VPS26C: variants seen among roughly 807,000 people sequenced by gnomAD.
The protein encoded by VPS26C is VPS26 endosomal protein sorting factor C, also known as vacuolar protein sorting-associated protein 26C.
In VPS26C, 19 loss-of-function variants were observed where a neutral mutation model predicts 30.6. The observed-to-expected ratio is 0.62, with a 90% CI of 0.43 to 0.91. The LOEUF (loss-of-function observed/expected upper bound fraction) is 0.91. Ranked by LOEUF, VPS26C falls within the 40% of genes least tolerant of loss-of-function variation. The pLI is 0.00. For synonymous variants in VPS26C, 132 were observed against 151.5 expected (o/e 0.87, Z 0.95); for missense variants, 318 against 385.1 (o/e 0.83, Z 1.46).
At chr21:37,267,615 C>T (rs866985987), upstream of VPS26C, 57 of 384,300 alleles carry the variant, frequency 1.5e-4, no homozygotes, top group Middle Eastern at 3.6e-3. Context: ...TGCTCCTTTG[C>T]TGTCCGGGTT....
chr21:37,249,731 C>T lies in VPS26C; in HGVS notation c.58-9092G>A, dbSNP rs148498709. Among the ~76,000 whole-genome samples the T allele has an allele frequency of 1.5e-3, 229 of 152,238 alleles. 2 individuals are homozygous for T. Among genetic ancestry groups the T allele is most frequent in the African/African-American group, 5.1e-3 (212 of 41,530 alleles). On this transcript the variant is annotated intron_variant, in intron 1 of 7. Coordinates refer to ENST00000309117, the MANE Select transcript of VPS26C (RefSeq NM_006052.2). ...AGATGGCGGGAGTGGGAGGGATACA[C>T]TAGACAAGCTGATTCTGAAGTTTAT...
At position 37,240,769 on chromosome 21, in the gene VPS26C, T is replaced by C. The variant is rs1047749663; in HGVS notation, c.58-130A>G. 5 of 1,229,564 alleles carry C rather than the reference T, an allele frequency of 4.1e-6. No individual in the cohort carries two copies. In the African/African-American group the frequency reaches 6.1e-5, roughly 15 times the overall value. 76.2% of individuals were successfully genotyped at this position (1,229,564 alleles called of 1,614,324 possible). On this transcript the variant is annotated intron_variant, in intron 1 of 7. Transcript: ENST00000309117. Reference sequence around the variant, plus strand: ...CCAGACATTCACTGAGACACCTGGATACCAGGGTGGAGAAGGCCCAGGTCC... The same window carrying C: ...CCAGACATTCACTGAGACACCTGGACACCAGGGTGGAGAAGGCCCAGGTCC...
chr21:37,245,004 G>C (rs2086123420), intron 1 of VPS26C, among the ~76,000 whole-genome samples: 2 of 152,198 alleles, frequency 1.3e-5, no homozygotes, highest in Admixed American at 1.3e-4. Context: ...TACTGCATGG[G>C]CTCATGCAAA....
chr21:37,253,850 G>C (rs1166072988), intron 1 of VPS26C, among the ~76,000 whole-genome samples: 1 of 152,124 alleles, frequency 6.6e-6, no homozygotes, highest in East Asian at 1.9e-4. Context: ...TTTTGGATTA[G>C]GGATGCTCAA....
chr21:37,255,851 ATTTTT>A (rs375877407), intron 1 of VPS26C, among the ~76,000 whole-genome samples: 49 of 108,448 alleles, frequency 4.5e-4, no homozygotes, highest in Middle Eastern at 5.3e-3. Flanking sequence ...TATGCACTGC[ATTTTT>A]TTTTTTTTTT....
intron 1 of VPS26C, among the ~76,000 whole-genome samples, chr21:37,256,841 G>A (rs1437120426): frequency 6.6e-6 from 1 of 152,270 alleles, no homozygotes; most frequent in East Asian, 1.9e-4. Context: ...TGATAATAAA[G>A]TTTTACCATT....
upstream of VPS26C, chr21:37,267,436 A>T: frequency 1.4e-6 from 1 of 701,138 alleles, no homozygotes; most frequent in Non-Finnish European, 2.5e-6. Context: ...GGCGTCGCAC[A>T]CACTCCCTAG....
intron 2 of VPS26C, 80 bp downstream of exon 2, chr21:37,240,416 C>T (rs765078536): frequency 3.8e-5 from 58 of 1,516,246 alleles, no homozygotes; most frequent in African/African-American, 2.7e-4. Context: ...TGAGCCACTG[C>T]GCCTGGCCCT....
rs75599460 is a variant in VPS26C, at chr21:37,252,542, A to C, written c.58-11903T>G. Among the ~76,000 whole-genome samples the C allele has an allele frequency of 6.3e-3, 959 of 152,320 alleles. 7 individuals carry two copies. Among genetic ancestry groups the C allele is most frequent in the African/African-American group, 0.022 (910 of 41,568 alleles). On this transcript the variant is annotated intron_variant, in intron 1 of 7. Coordinates refer to ENST00000309117, the MANE Select transcript of VPS26C (RefSeq NM_006052.2). Reference sequence around the variant, plus strand: ...TTCATTTCCTGGTACAGAAACAAACAAACAAACAAACAAACTAAGACAATG... The same window carrying C: ...TTCATTTCCTGGTACAGAAACAAACCAACAAACAAACAAACTAAGACAATG...
chr21:37,250,348 T>C (rs1409025964), intron 1 of VPS26C, among the ~76,000 whole-genome samples: 2 of 151,970 alleles, frequency 1.3e-5, no homozygotes, highest in African/African-American at 4.8e-5. Context: ...AAACTTTTTG[T>C]GTATGACAAA....
rs2085880028 is a variant in VPS26C at position 37,224,599 on chromosome 21, A to T, written c.*945T>A. ...TATGGCAGTTCTTGAGACTTCAGAA[A>T]CACTTCGGCACCAGCCAAATCCCCC... On this transcript the variant is annotated 3_prime_UTR_variant, in exon 8 of 8. Transcript: ENST00000309117. The T allele has an allele frequency of 6.6e-6, 1 of 152,244 alleles. No homozygotes were observed. Among genetic ancestry groups the T allele is most frequent in the East Asian group, 1.9e-4 (1 of 5,206 alleles). The allele number at this position is 152,244 out of a possible 1,614,324, so 9.4% of individuals were successfully genotyped here. A position where few individuals can be genotyped will look rare whatever the true frequency, so the allele number is the denominator to read the frequency against.
intron 7 of VPS26C, chr21:37,227,429 C>T: frequency 1.8e-6 from 1 of 554,802 alleles, no homozygotes; most frequent in East Asian, 2.9e-5. Flanking sequence ...CCACAAGCAC[C>T]AGGACTGCCT....
intron 4 of VPS26C, 123 bp from the exon 5 acceptor site, chr21:37,232,574 A>G: frequency 1.3e-6 from 1 of 798,620 alleles, no homozygotes; most frequent in Non-Finnish European, 2.1e-6. Context: ...CGGGGAACTA[A>G]GAGGCGCAAG....
rs1167155616 is a variant in VPS26C, at chr21:37,233,274, T to G, written c.432+88A>C. On this transcript the variant is annotated intron_variant, in intron 4 of 7. Coordinates refer to ENST00000309117, the MANE Select transcript of VPS26C (RefSeq NM_006052.2). This position sits in a 1 kb window ranked among gnomAD's most constrained non-coding sequence, Gnocchi z 5.2. Reference sequence around the variant, plus strand: ...CAGCACCCGTGAAACAGTAAGAGGCTAAATGGTGAGCTTGTAAATAGGGTA... The same window carrying G: ...CAGCACCCGTGAAACAGTAAGAGGCGAAATGGTGAGCTTGTAAATAGGGTA... The G allele has an allele frequency of 5.9e-6, 7 of 1,188,004 alleles. No homozygotes were observed. The highest frequency in any genetic ancestry group is 8.8e-6 in the Non-Finnish European group (7 of 798,388). 73.6% of individuals were successfully genotyped at this position (1,188,004 alleles called of 1,614,324 possible).
chr21:37,267,111 G>T, intron 1 of VPS26C, 127 bp downstream of exon 1: 1 of 876,452 alleles, frequency 1.1e-6, no homozygotes, highest in Non-Finnish European at 1.9e-6. Flanking sequence ...CCACCTTGGC[G>T]GAGACGCACC....
chr21:37,253,955 A>G (rs2047683370), intron 1 of VPS26C, among the ~76,000 whole-genome samples: 1 of 152,252 alleles, frequency 6.6e-6, no homozygotes, highest in African/African-American at 2.4e-5. Flanking sequence ...TATTCAAGAA[A>G]TAACATTCCA....
At chr21:37,234,950 C>A (rs546718868) in intron 3 of VPS26C, among the ~76,000 whole-genome samples, 2 of 151,258 alleles carry the variant, frequency 1.3e-5, no homozygotes, top group African/African-American at 4.9e-5. Context: ...TCAAGTGATT[C>A]TCTTGCCTCA....
intron 7 of VPS26C, chr21:37,225,903 C>G (rs781234413): frequency 6.1e-6 from 3 of 493,810 alleles, no homozygotes; most frequent in Non-Finnish European, 1.1e-5. Flanking sequence ...ACTACACTTT[C>G]CCTGTCCCTT....
At position 37,257,426 on chromosome 21, in the gene VPS26C, A is replaced by T. The variant is rs2086254921; in HGVS notation, c.57+9812T>A. On this transcript the variant is annotated intron_variant, in intron 1 of 7. Coordinates refer to ENST00000309117, the MANE Select transcript of VPS26C (RefSeq NM_006052.2). The surrounding 1 kb of genome is among the most constrained non-coding windows in gnomAD (Gnocchi z 4.2). Reference sequence around the variant, plus strand: ...CTGTGTGCTCTCGGGGAGGGGACGCAGGTCAGCCCACCTAGCCGATGGCTA... The same window carrying T: ...CTGTGTGCTCTCGGGGAGGGGACGCTGGTCAGCCCACCTAGCCGATGGCTA... Among the ~76,000 whole-genome samples, 1 of 152,194 alleles carries T rather than the reference A, an allele frequency of 6.6e-6. No homozygotes were observed. The highest frequency in any genetic ancestry group is 1.9e-4 in the East Asian group (1 of 5,184).
Sources: allele counts gnomAD v4.1 joint callset (sites outside exome capture counted in the v4.1 genomes callset), GRCh38; gene constraint gnomAD v4.1.1; non-coding constraint Gnocchi (gnomAD v3.1); transcripts MANE v1.5; gene names NCBI Gene and HGNC (gene_info 2026-07-23, HGNC 2026-07-21).